The following DNM3 variants were observed in gnomAD, a reference collection of about 807,000 sequenced individuals.
DNM3 encodes the protein dynamin 3.
DNM3 carries 47 observed loss-of-function variants against 101.6 expected under a neutral mutation model. The ratio of observed to expected loss-of-function variants is 0.46; its 90% CI spans 0.37 to 0.59. The LOEUF (loss-of-function observed/expected upper bound fraction) is 0.59, where lower values mean the gene tolerates loss of function less well. DNM3 is among the 20% of genes least tolerant of loss of function. DNM3 has a pLI of 0.00. For synonymous variants in DNM3, 385 were observed against 387.9 expected, an observed-to-expected ratio of 0.99 and a Z score of 0.09; for missense variants, 849 against 1,085.7, an observed-to-expected ratio of 0.78 and a Z score of 3.06.
intron 20 of DNM3, chr1:172,389,363 T>G (rs2069388808): frequency 6.4e-6 from 1 of 156,776 alleles, no homozygotes; most frequent in African/African-American, 2.5e-5. Context: ...TAGGCATGAT[T>G]GTTGTATACA....
intron 2 of DNM3, among the ~76,000 whole-genome samples, chr1:171,949,031 T>A (rs1327669238): frequency 6.6e-6 from 1 of 152,056 alleles, no homozygotes; most frequent in African/African-American, 2.4e-5. Context: ...TACTAAAAAA[T>A]AAAATCTTTT....
rs558797361 is a variant in DNM3 at position 172,147,397 on chromosome 1, C to A, written c.1659+16109C>A. On this transcript the variant is annotated intron_variant, in intron 14 of 20. Transcript: ENST00000627582. ...GAAAGCAAGGTTGGACATGACAAATCCTTGACTTTGAGGAACTAAAGTTAT... is the reference window on the plus strand; with the variant it reads ...GAAAGCAAGGTTGGACATGACAAATACTTGACTTTGAGGAACTAAAGTTAT... Among the ~76,000 whole-genome samples the A allele has an allele frequency of 5.3e-5, 8 of 152,216 alleles. No individual in the cohort carries two copies. In the East Asian group the frequency reaches 1.4e-3, roughly 26 times the overall value.
chr1:171,916,744 T>C (rs1001099948), intron 1 of DNM3, among the ~76,000 whole-genome samples: 1 of 152,164 alleles, frequency 6.6e-6, no homozygotes. Context: ...TAAAACTCTA[T>C]AGCGCCTTCC....
At chr1:172,226,808 G>C (rs947588866) in intron 14 of DNM3, among the ~76,000 whole-genome samples, 4 of 152,030 alleles carry the variant, frequency 2.6e-5, no homozygotes, top group African/African-American at 9.7e-5. Flanking sequence ...TTTCATATAT[G>C]TCCATTTGTG....
chr1:171,954,968 G>T (rs2042762235), intron 2 of DNM3, among the ~76,000 whole-genome samples: 1 of 152,186 alleles, frequency 6.6e-6, no homozygotes, highest in Admixed American at 6.6e-5. Flanking sequence ...AGCACAATTT[G>T]AAGGTAGAGA....
chr1:171,994,985 T>TTCA (rs2045897759), intron 4 of DNM3, among the ~76,000 whole-genome samples: 1 of 152,024 alleles, frequency 6.6e-6, no homozygotes, highest in African/African-American at 2.4e-5. Flanking sequence ...GGTTCTGATT[T>TTCA]TCATCATGAC....
chr1:171,916,736 A>C (rs1331192925), intron 1 of DNM3, among the ~76,000 whole-genome samples: 5 of 152,170 alleles, frequency 3.3e-5, no homozygotes, highest in African/African-American at 1.2e-4. Context: ...TGATCACTTA[A>C]AACTCTATAG....
At chr1:171,859,643 C>A (rs529587356) in intron 1 of DNM3, among the ~76,000 whole-genome samples, 2 of 152,174 alleles carry the variant, frequency 1.3e-5, no homozygotes, top group South Asian at 4.1e-4. Context: ...AAGCACATTC[C>A]TTGTCATTTT....
At chr1:171,913,086 G>A (rs967782326) in intron 1 of DNM3, among the ~76,000 whole-genome samples, 2 of 152,202 alleles carry the variant, frequency 1.3e-5, no homozygotes, top group Non-Finnish European at 2.9e-5. Flanking sequence ...AGAACACTTA[G>A]TATTTGTAAA....
rs183375941 is a variant in DNM3, at chr1:172,117,456, G to A, written c.1546-13719G>A. ...TCTTTCCCGTCCTATTCTCATGATA[G>A]TGAGTAAGTCTCTCAAAATCTGATG... is the stretch of plus-strand genomic sequence containing the variant. On this transcript the variant is annotated intron_variant, in intron 13 of 20. Transcript: ENST00000627582. 2.0e-3 allele frequency among the ~76,000 whole-genome samples: 312 copies of A among 152,250 alleles called. 4 individuals are homozygous for A. The highest frequency in any genetic ancestry group is 7.2e-3 in the African/African-American group (298 of 41,548).
intron 16 of DNM3, chr1:172,310,408 A>G (rs1013497065): frequency 6.6e-6 from 1 of 152,266 alleles, no homozygotes; most frequent in Admixed American, 6.5e-5. Flanking sequence ...TGGAGCAGAC[A>G]TTAAACAAGG....
intron 4 of DNM3, among the ~76,000 whole-genome samples, chr1:171,998,238 G>A (rs770188295): frequency 1.3e-5 from 2 of 152,194 alleles, no homozygotes; most frequent in South Asian, 4.1e-4. Context: ...GCCAAAATAT[G>A]AAATTTTACA....
intron 14 of DNM3, 143 bp from the exon 15 acceptor site, chr1:172,253,430 C>G: frequency 1.7e-6 from 1 of 602,134 alleles, no homozygotes; most frequent in Admixed American, 2.9e-5. Context: ...TGTTAGCCAA[C>G]TCAGGTGATG....
intron 15 of DNM3, among the ~76,000 whole-genome samples, chr1:172,264,030 A>T (rs944792868): frequency 6.6e-6 from 1 of 152,236 alleles, no homozygotes; most frequent in Non-Finnish European, 1.5e-5. Flanking sequence ...TGCAGTTCTG[A>T]AGTGTCAGAA....
At chr1:172,418,258 T>C in intron 20 of DNM3, 2 of 1,287,558 alleles carry the variant, frequency 1.6e-6, no homozygotes, top group Non-Finnish European at 2.0e-6. Context: ...TTATTTTGTT[T>C]TGTTTTGTTT....
At chr1:172,131,691 G>C (rs2421987) in intron 14 of DNM3, 1 of 255,846 alleles carries the variant, frequency 3.9e-6, no homozygotes, top group Non-Finnish European at 7.9e-6. Flanking sequence ...AGTTAATAAA[G>C]CATGTTGGAA....
chr1:172,093,628 G>C, intron 13 of DNM3: 1 of 1,381,060 alleles, frequency 7.2e-7, no homozygotes, highest in South Asian at 1.3e-5. Flanking sequence ...AAGGAGAAGA[G>C]GTAATAACAG....
intron 14 of DNM3, among the ~76,000 whole-genome samples, chr1:172,232,735 C>G (rs1178733783): frequency 6.6e-6 from 1 of 152,188 alleles, no homozygotes; most frequent in Admixed American, 6.5e-5. Context: ...TTAAGAAACT[C>G]ACTCAAAACC....
chr1:172,233,117 T>C (rs1244416352), intron 14 of DNM3, among the ~76,000 whole-genome samples: 1 of 152,008 alleles, frequency 6.6e-6, no homozygotes, highest in African/African-American at 2.4e-5. Flanking sequence ...TTTGAAAAGA[T>C]CAACAAAATT....
Sources: gnomAD v4.1 joint callset for allele counts (sites outside exome capture counted in the v4.1 genomes callset) on GRCh38, gnomAD v4.1.1 for gene constraint, MANE v1.5 for transcripts, NCBI Gene and HGNC (gene_info 2026-07-23, HGNC 2026-07-21) for gene names.